Variants in VGLL4 observed in about 807,000 individuals in gnomAD.
VGLL4 encodes the protein transcription cofactor vestigial-like protein 4.
A neutral mutation model predicts 21.0 loss-of-function variants in VGLL4; 7 were observed. The ratio of observed to expected loss-of-function variants is 0.33; its 90% CI spans 0.19 to 0.63. The LOEUF (loss-of-function observed/expected upper bound fraction) is 0.63, where lower values mean the gene tolerates loss of function less well. Among genes scored for constraint, VGLL4 ranks in the 20% least tolerant of loss-of-function variants. The pLI is 0.78. For missense variants in VGLL4, 394 were observed against 425.7 expected (o/e 0.93, Z 0.66); for synonymous variants, 222 against 173.2 (o/e 1.28, Z -2.21).
intron 2 of VGLL4, among the ~76,000 whole-genome samples, chr3:11,675,058 T>C (rs1194619229): frequency 2.6e-5 from 4 of 152,206 alleles, no homozygotes; most frequent in Non-Finnish European, 5.9e-5. Flanking sequence ...AAATGCAACA[T>C]AGGCTGGGCG....
intron 3 of VGLL4, 66 bp downstream of exon 3, chr3:11,564,731 C>G (rs1255292833): frequency 2.0e-6 from 3 of 1,478,332 alleles, no homozygotes; most frequent in Admixed American, 4.1e-5. Context: ...CTGCTCGGGG[C>G]TCTCCATCCA....
chr3:11,559,978 G>A (rs1290987454), intron 3 of VGLL4, among the ~76,000 whole-genome samples: 1 of 152,044 alleles, frequency 6.6e-6, no homozygotes, highest in East Asian at 1.9e-4. Context: ...GGAAATGGAG[G>A]AAATATGCCT....
chr3:11,616,374 G>A (rs2616559), intron 1 of VGLL4, among the ~76,000 whole-genome samples: 7,147 of 151,616 alleles, frequency 0.047, 284 homozygotes, highest in South Asian at 0.16. Context: ...ATCGCCTAAC[G>A]GTGGTACTAT....
chr3:11,696,727 C>T (rs2076611725), intron 2 of VGLL4, among the ~76,000 whole-genome samples: 1 of 152,076 alleles, frequency 6.6e-6, no homozygotes, highest in African/African-American at 2.4e-5. Context: ...TAACCATTGT[C>T]TCCTCTTTTT....
chr3:11,614,920 G>C (rs2075133017), intron 1 of VGLL4, among the ~76,000 whole-genome samples: 1 of 152,134 alleles, frequency 6.6e-6, no homozygotes, highest in African/African-American at 2.4e-5. Context: ...AAATTTTAAA[G>C]CTACCCAAAA....
At chr3:11,569,631 G>C (rs1236689510) in intron 2 of VGLL4, among the ~76,000 whole-genome samples, 1 of 152,184 alleles carries the variant, frequency 6.6e-6, no homozygotes, top group Non-Finnish European at 1.5e-5. Context: ...CAGCCCTTTC[G>C]TCCTCTCTCT....
At chr3:11,599,255 A>T (rs936886318) in intron 2 of VGLL4, among the ~76,000 whole-genome samples, 1 of 152,082 alleles carries the variant, frequency 6.6e-6, no homozygotes, top group Admixed American at 6.5e-5. Flanking sequence ...TACACTGTAC[A>T]CTTAAGAAAA....
chr3:11,568,667 T>G lies in VGLL4; in HGVS notation c.273-3648A>C, dbSNP rs2073647800. On this transcript the variant is annotated intron_variant, in intron 2 of 4. Coordinates refer to ENST00000430365, the MANE Select transcript of VGLL4 (RefSeq NM_001128219.3). This position sits in a 1 kb window ranked among gnomAD's most constrained non-coding sequence, Gnocchi z 5.9. Reference sequence around the variant, plus strand: ...ACAGACATTGTTTTCCAGGCCCCGCTCGCCCGGATGAATCACCTCCCGGCC... The same window carrying G: ...ACAGACATTGTTTTCCAGGCCCCGCGCGCCCGGATGAATCACCTCCCGGCC... 6.4e-7 allele frequency: 1 copy of G among 1,557,566 alleles called. No homozygotes were observed. Among genetic ancestry groups the G allele is most frequent in the Non-Finnish European group, 8.7e-7 (1 of 1,149,822 alleles).
chr3:11,690,262 T>A lies in VGLL4; in HGVS notation c.64+12709A>T, dbSNP rs74628620. Among the ~76,000 whole-genome samples, 167 of 152,328 alleles carry A rather than the reference T, an allele frequency of 1.1e-3. 6 individuals are homozygous for A. In the East Asian group the frequency reaches 0.029, roughly 27 times the overall value. ...TTTTCAGTCTTCCAGGAATTCTTCA[T>A]AACTTTTAGTTTAATAGAGGTAGGC... is the stretch of plus-strand genomic sequence containing the variant. On this transcript the variant is annotated intron_variant, in intron 2 of 5. Coordinates refer to the VGLL4 transcript ENST00000273038.
At chr3:11,583,757 A>AC in intron 2 of VGLL4, among the ~76,000 whole-genome samples, 1 of 152,306 alleles carries the variant, frequency 6.6e-6, no homozygotes, top group East Asian at 1.9e-4. Context: ...AAGGATGGGC[A>AC]CATTCCTGCC....
intron 2 of VGLL4, among the ~76,000 whole-genome samples, chr3:11,657,270 G>A (rs1229084668): frequency 6.6e-6 from 1 of 151,976 alleles, no homozygotes; most frequent in East Asian, 1.9e-4. Flanking sequence ...CCAACCACAG[G>A]CCGCCATTCA....
At chr3:11,707,185 G>A (rs13088113) in intron 1 of VGLL4, among the ~76,000 whole-genome samples, 22,441 of 151,638 alleles carry the variant, frequency 0.15, 2,266 homozygotes, top group African/African-American at 0.27. Flanking sequence ...AAAATGAGCT[G>A]GAAGTGGTGG....
intron 1 of VGLL4, among the ~76,000 whole-genome samples, chr3:11,625,735 T>C (rs1305989386): frequency 1.3e-5 from 2 of 150,632 alleles, no homozygotes; most frequent in African/African-American, 4.9e-5. Context: ...TTTTTGTAAA[T>C]AAAATGTGGT....
upstream of VGLL4, chr3:11,720,875 C>T (rs888087924): frequency 1.3e-5 from 2 of 152,222 alleles, no homozygotes; most frequent in African/African-American, 2.4e-5. Context: ...CTGTCTTTCT[C>T]TGGGGATTTG....
upstream of VGLL4, among the ~76,000 whole-genome samples, chr3:11,648,725 T>A (rs998628646): frequency 3.9e-5 from 6 of 152,206 alleles, no homozygotes; most frequent in Admixed American, 6.5e-5. Context: ...AACCACTTGA[T>A]CTGAATAACA....
chr3:11,574,751 T>C (rs1002724458), intron 2 of VGLL4, among the ~76,000 whole-genome samples: 5 of 151,490 alleles, frequency 3.3e-5, no homozygotes, highest in Admixed American at 6.6e-5. Context: ...ATGTACCCCA[T>C]GAATATGTAC....
chr3:11,709,435 TAAAAAAAAAAAA>T (rs58100629), intron 1 of VGLL4, among the ~76,000 whole-genome samples: 28,215 of 108,844 alleles, frequency 0.26, 3,027 homozygotes, highest in South Asian at 0.37. Context: ...AGACTCCGTC[TAAAAAAAAAAAA>T]AAAAAAAAAA....
At chr3:11,671,951 C>T (rs1007579262) in intron 2 of VGLL4, among the ~76,000 whole-genome samples, 4 of 152,168 alleles carry the variant, frequency 2.6e-5, no homozygotes, top group Non-Finnish European at 4.4e-5. Flanking sequence ...ACTTCCTCCT[C>T]GCCTGTCACT....
chr3:11,705,728 C>G (rs2076750217), intron 1 of VGLL4, among the ~76,000 whole-genome samples: 1 of 152,208 alleles, frequency 6.6e-6, no homozygotes, highest in Non-Finnish European at 1.5e-5. Flanking sequence ...CGAGACCATC[C>G]TGGCTAACAC....
Sources: allele counts gnomAD v4.1 joint callset (sites outside exome capture counted in the v4.1 genomes callset), GRCh38; gene constraint gnomAD v4.1.1; non-coding constraint Gnocchi (gnomAD v3.1); transcripts MANE v1.5; gene names NCBI Gene and HGNC (gene_info 2026-07-23, HGNC 2026-07-21).